SYTL2: variants seen among roughly 807,000 people sequenced by gnomAD.
SYTL2 encodes the protein synaptotagmin like 2.
SYTL2 carries 165 observed loss-of-function variants against 198.7 expected under a neutral mutation model. The ratio of observed to expected loss-of-function variants is 0.83; its 90% CI spans 0.73 to 0.94. The LOEUF (loss-of-function observed/expected upper bound fraction) is 0.94. Ranked by LOEUF, SYTL2 falls within the 40% of genes least tolerant of loss-of-function variation. The pLI is 0.00. For missense variants in SYTL2, 2,835 were observed against 2,582.8 expected (o/e 1.10, Z -2.12); for synonymous variants, 966 against 917.7 (o/e 1.05, Z -0.95).
intron 8 of SYTL2, among the ~76,000 whole-genome samples, chr11:85,722,334 C>T (rs1159206076): frequency 1.3e-5 from 2 of 151,866 alleles, no homozygotes; most frequent in African/African-American, 4.8e-5. Context: ...CCACCACGCC[C>T]GGCTACTTTA....
upstream of SYTL2, among the ~76,000 whole-genome samples, chr11:85,814,082 G>C (rs2153668804): frequency 6.6e-6 from 1 of 152,294 alleles, no homozygotes; most frequent in Middle Eastern, 3.4e-3. Context: ...CCATGCCAAG[G>C]AGATAACACA....
chr11:85,762,269 G>A (rs529382327), intron 1 of SYTL2, among the ~76,000 whole-genome samples: 1 of 152,264 alleles, frequency 6.6e-6, no homozygotes, highest in Non-Finnish European at 1.5e-5. Flanking sequence ...CTACTACAGT[G>A]TCTTGCATTC....
intron 1 of SYTL2, among the ~76,000 whole-genome samples, chr11:85,777,250 CAGTA>C (rs969064087): frequency 2.0e-5 from 3 of 152,164 alleles, no homozygotes; most frequent in Non-Finnish European, 4.4e-5. Context: ...TTGGCAGTAA[CAGTA>C]AGTATCAGGA....
chr11:85,718,723 G>A (rs1387786886), intron 10 of SYTL2, 67 bp downstream of exon 10: 17 of 1,486,868 alleles, frequency 1.1e-5, no homozygotes, highest in African/African-American at 1.4e-5. Flanking sequence ...GCTGCGTCCC[G>A]GAGACTGCCC....
the SYTL2 span, among the ~76,000 whole-genome samples, chr11:85,827,640 T>C: frequency 6.6e-6 from 1 of 152,100 alleles, no homozygotes; most frequent in African/African-American, 2.4e-5. Context: ...TTATAAATAG[T>C]AAGTTCTGGG....
intron 9 of SYTL2, chr11:85,719,370 C>A: frequency 1.8e-6 from 2 of 1,091,670 alleles, no homozygotes; most frequent in South Asian, 2.4e-5. Flanking sequence ...TGGAAGGGAG[C>A]GTGCAGGAAT....
chr11:85,792,331 G>A (rs1300221999), intron 1 of SYTL2, among the ~76,000 whole-genome samples: 1 of 152,010 alleles, frequency 6.6e-6, no homozygotes, highest in Non-Finnish European at 1.5e-5. Flanking sequence ...GGGCAGTGGA[G>A]GCAATTGCAA....
At chr11:85,731,422 T>C (rs1038676963) in intron 7 of SYTL2, among the ~76,000 whole-genome samples, 2 of 152,072 alleles carry the variant, frequency 1.3e-5, no homozygotes, top group African/African-American at 4.8e-5. Context: ...GCCTCAGAAA[T>C]AATGCCACAT....
rs914491801 is a variant in SYTL2 at position 85,728,507 on chromosome 11, G to A, written c.1391-540C>T. On this transcript the variant is annotated intron_variant, in intron 7 of 19. Coordinates refer to ENST00000359152, the MANE Select transcript of SYTL2 (RefSeq NM_206927.4). ...TCACCATATTGGCCAGGCTGGTCTC[G>A]AACTCCTGACCTCATGATCCACTCA... Among the ~76,000 whole-genome samples, 5 of 151,946 alleles carry A rather than the reference G, an allele frequency of 3.3e-5. No homozygotes were observed. In the East Asian group the frequency reaches 7.7e-4, roughly 24 times the overall value.
the SYTL2 span, among the ~76,000 whole-genome samples, chr11:85,837,464 C>T: frequency 2.0e-5 from 3 of 152,222 alleles, no homozygotes; most frequent in Admixed American, 6.5e-5. Context: ...CTGATGGCAC[C>T]TTAATCTGGA....
chr11:85,709,578 T>G lies in SYTL2; in HGVS notation c.5746-78A>C, dbSNP rs1318073462. 3.0e-6 allele frequency: 4 copies of G among 1,348,306 alleles called. No individual in the cohort carries two copies. In the Admixed American group the frequency reaches 7.2e-5, roughly 24 times the overall value. The allele number at this position is 1,348,306 out of a possible 1,614,324, so 83.5% of individuals were successfully genotyped here. A position where few individuals can be genotyped will look rare whatever the true frequency, so the allele number is the denominator to read the frequency against. ...GCACAAGGATCATGGATATAATCCC[T>G]GCTGGCATTATTTCTTTAGCTTGCT... On this transcript the variant is annotated intron_variant, in intron 13 of 19. Coordinates refer to ENST00000359152, the MANE Select transcript of SYTL2 (RefSeq NM_206927.4).
intron 1 of SYTL2, among the ~76,000 whole-genome samples, chr11:85,798,645 A>C (rs2092838665): frequency 6.6e-6 from 1 of 152,194 alleles, no homozygotes; most frequent in African/African-American, 2.4e-5. Flanking sequence ...CAATGGAAAA[A>C]GGTGCGTGGG....
chr11:85,828,877 T>A, the SYTL2 span, among the ~76,000 whole-genome samples: 1 of 152,182 alleles, frequency 6.6e-6, no homozygotes, highest in African/African-American at 2.4e-5. Flanking sequence ...TAAATAGTGG[T>A]TAAGTCTGCC....
chr11:85,848,060 T>C, the SYTL2 span, among the ~76,000 whole-genome samples: 1 of 151,960 alleles, frequency 6.6e-6, no homozygotes, highest in African/African-American at 2.4e-5. Flanking sequence ...GACCCCCATC[T>C]CTACAAAAAA....
At chr11:85,762,929 A>C (rs963236477) in intron 1 of SYTL2, among the ~76,000 whole-genome samples, 16 of 151,516 alleles carry the variant, frequency 1.1e-4, no homozygotes, top group African/African-American at 3.7e-4. Context: ...TCTTGCATCT[A>C]CTAGGCACTC....
At position 85,726,451 on chromosome 11, in the gene SYTL2, A is replaced by T; in HGVS notation, c.2907T>A (p.Asp969Glu). Reference sequence around the variant, plus strand: ...TATAGACCTGTTCTGCATTGGGTTCATCCATTCTTTCTTTTAGGGACATAA... The same window carrying T: ...TATAGACCTGTTCTGCATTGGGTTCTTCCATTCTTTCTTTTAGGGACATAA... ...FKVMSLKERM[D>E]EPNAEQVYNP... is the part of the protein sequence containing the mutation. Residue 969 changes from aspartate to glutamate, a missense_variant, in exon 8 of 20, where the codon GAT becomes GAA. By Grantham distance (45) the Asp-to-Glu change is conservative. Around this residue, in one of 3 missense-constraint regions of SYTL2, gnomAD observed 2,645 missense variants for 2,381.7 expected, o/e 1.11. Coordinates refer to ENST00000359152, the MANE Select transcript of SYTL2 (RefSeq NM_206927.4). 6.2e-7 allele frequency: 1 copy of T among 1,613,254 alleles called. No individual in the cohort carries two copies. The highest frequency in any genetic ancestry group is 8.5e-7 in the Non-Finnish European group (1 of 1,179,908).
intron 2 of SYTL2, among the ~76,000 whole-genome samples, chr11:85,751,815 C>A (rs1010560263): frequency 6.6e-6 from 1 of 152,224 alleles, no homozygotes; most frequent in Non-Finnish European, 1.5e-5. Context: ...CAAAAGATGG[C>A]CATTTTACCT....
At chr11:85,801,038 T>G (rs2092879418) in intron 1 of SYTL2, among the ~76,000 whole-genome samples, 1 of 152,206 alleles carries the variant, frequency 6.6e-6, no homozygotes, top group Non-Finnish European at 1.5e-5. Flanking sequence ...CATCTGTGTG[T>G]ACCTGGGTCT....
intron 12 of SYTL2, among the ~76,000 whole-genome samples, chr11:85,713,868 C>A (rs978240499): frequency 1.3e-5 from 2 of 152,274 alleles, no homozygotes; most frequent in Middle Eastern, 3.4e-3. Flanking sequence ...GAACCCCCTT[C>A]TAGCTGAGTG....
Sources: allele counts gnomAD v4.1 joint callset (sites outside exome capture counted in the v4.1 genomes callset), GRCh38; gene constraint gnomAD v4.1.1; regional missense constraint gnomAD v4.1.1; transcripts MANE v1.5; gene names NCBI Gene and HGNC (gene_info 2026-07-23, HGNC 2026-07-21).